The following CDYL2 variants were observed in gnomAD, a reference collection of about 807,000 sequenced individuals.
CDYL2 encodes the protein chromodomain Y-like protein 2.
Under a neutral mutation model 49.4 loss-of-function variants are expected in CDYL2, and 23 were observed. That is an observed-to-expected ratio of 0.47 (90% CI 0.34 to 0.66). The LOEUF (loss-of-function observed/expected upper bound fraction) is 0.66. Ranked by LOEUF, CDYL2 falls within the 30% of genes least tolerant of loss-of-function variation. The probability of loss-of-function intolerance (pLI) is 0.01; values close to 1 mark genes in which losing one functional copy is unlikely to be tolerated. For synonymous variants in CDYL2, 360 were observed against 268.8 expected (o/e 1.34, Z -3.32); for missense variants, 678 against 656.4 (o/e 1.03, Z -0.36).
At chr16:80,776,844 G>T (rs1007558104) in intron 1 of CDYL2, among the ~76,000 whole-genome samples, 1 of 151,082 alleles carries the variant, frequency 6.6e-6, no homozygotes, top group African/African-American at 2.4e-5. Flanking sequence ...TGGAGACAGA[G>T]TCTCCCTCTG....
At chr16:80,687,822 T>A (rs1276440477) in intron 1 of CDYL2, among the ~76,000 whole-genome samples, 1 of 152,190 alleles carries the variant, frequency 6.6e-6, no homozygotes, top group Non-Finnish European at 1.5e-5. Context: ...ATAGCGCCTA[T>A]CTCTTGGGGT....
chr16:80,718,396 C>T (rs8046061), intron 1 of CDYL2, among the ~76,000 whole-genome samples: 59,584 of 151,998 alleles, frequency 0.39, 14,527 homozygotes, highest in Middle Eastern at 0.57. Flanking sequence ...CACATCAACC[C>T]ACTGAAGGGG....
At chr16:80,767,016 A>G (rs374430371) in intron 1 of CDYL2, among the ~76,000 whole-genome samples, 5 of 152,318 alleles carry the variant, frequency 3.3e-5, no homozygotes, top group East Asian at 1.9e-4. Context: ...AAGCTTGCCA[A>G]TGCTGACACT....
chr16:80,779,439 G>C (rs73579946), intron 1 of CDYL2, among the ~76,000 whole-genome samples: 10,700 of 152,036 alleles, frequency 0.07, 456 homozygotes, highest in African/African-American at 0.12. Context: ...GCAAGCACAT[G>C]ATTTCTGGAG....
rs1307974065 is a variant in CDYL2 at position 80,598,316 on chromosome 16, G to A, written c.*6072C>T. 4 of 152,008 alleles carry A rather than the reference G, an allele frequency of 2.6e-5. No individual in the cohort carries two copies. The highest frequency in any genetic ancestry group is 6.6e-5 in the Admixed American group (1 of 15,246). 9.4% of individuals were successfully genotyped at this position (152,008 alleles called of 1,614,324 possible). Reference sequence around the variant, plus strand: ...CCATGATCAAATCCAAACACTCCTAGGGTGGGCTGGATAAGTTTTTGGTAG... The same window carrying A: ...CCATGATCAAATCCAAACACTCCTAAGGTGGGCTGGATAAGTTTTTGGTAG... On this transcript the variant is annotated 3_prime_UTR_variant, in exon 7 of 7. Transcript: ENST00000570137.
intron 2 of CDYL2, among the ~76,000 whole-genome samples, chr16:80,669,747 T>C (rs1459317871): frequency 6.6e-6 from 1 of 152,172 alleles, no homozygotes; most frequent in African/African-American, 2.4e-5. Flanking sequence ...GCATGGTCGC[T>C]GCAAAAGCTC....
intron 1 of CDYL2, among the ~76,000 whole-genome samples, chr16:80,705,162 C>G (rs1448432468): frequency 6.6e-6 from 1 of 152,220 alleles, no homozygotes; most frequent in African/African-American, 2.4e-5. Context: ...CAGAAGGGAG[C>G]ACCAAACATC....
Position 80,740,023 on chromosome 16 carries a change from G to C in CDYL2, c.25-54894C>G. ...CCCCATGTGGCTGTGGAGGGTGGTG[G>C]GTGCCAGAGGAGGGGACGGGTGCAG... On this transcript the variant is annotated intron_variant, in intron 1 of 6. Transcript: ENST00000570137. Among the ~76,000 whole-genome samples, 2 of 152,162 alleles carry C rather than the reference G, an allele frequency of 1.3e-5. 1 individual carries two copies. The highest frequency in any genetic ancestry group is 4.8e-5 in the African/African-American group (2 of 41,440).
chr16:80,684,597 C>T lies in CDYL2; in HGVS notation c.557G>A (p.Gly186Glu). 6.2e-7 allele frequency: 1 copy of T among 1,614,182 alleles called. No homozygotes were observed. The highest frequency in any genetic ancestry group is 1.1e-5 in the South Asian group (1 of 91,084). The change falls in exon 2 of 7, where the codon GGA (glycine) becomes GAA (glutamate). Residue 186 changes from glycine (G) to glutamate (E), a missense_variant. By Grantham distance (98) the Gly-to-Glu change is moderately conservative. Transcript: ENST00000570137. The stretch of plus-strand genomic sequence containing the variant: ...GTCACATTCACCCATATCTTGCTCT[C>T]CAACATGATCATTCAAATCCAAGCC... ...QPGLDLNDHV[G>E]EQDMGECDVN...
intron 2 of CDYL2, among the ~76,000 whole-genome samples, chr16:80,636,953 G>A (rs942025789): frequency 6.6e-6 from 1 of 152,136 alleles, no homozygotes; most frequent in Non-Finnish European, 1.5e-5. Flanking sequence ...GAACACATGA[G>A]CAGAACGCCA....
chr16:80,667,413 C>T (rs1909311841), intron 2 of CDYL2, among the ~76,000 whole-genome samples: 2 of 152,168 alleles, frequency 1.3e-5, no homozygotes, highest in East Asian at 1.9e-4. Flanking sequence ...TCCTGACATC[C>T]CTGCCTTTTT....
chr16:80,709,122 G>A (rs1425284433), intron 1 of CDYL2, among the ~76,000 whole-genome samples: 4 of 152,122 alleles, frequency 2.6e-5, no homozygotes, highest in African/African-American at 7.2e-5. Flanking sequence ...GGTGGCTCAC[G>A]CCTATAATCC....
chr16:80,673,786 T>C (rs968796267), intron 2 of CDYL2, among the ~76,000 whole-genome samples: 2 of 152,288 alleles, frequency 1.3e-5, no homozygotes, highest in Non-Finnish European at 2.9e-5. Flanking sequence ...GTGAATGGGA[T>C]TAAGTTAAGG....
At chr16:80,734,639 T>C (rs1905452331) in intron 1 of CDYL2, among the ~76,000 whole-genome samples, 1 of 152,104 alleles carries the variant, frequency 6.6e-6, no homozygotes, top group Admixed American at 6.5e-5. Context: ...AACTTACTCA[T>C]TCAAGGGGGT....
chr16:80,608,363 T>G (rs554516897), intron 5 of CDYL2, 128 bp from the exon 6 acceptor site: 2 of 1,020,582 alleles, frequency 2.0e-6, no homozygotes, highest in East Asian at 2.8e-5. Context: ...ATCCTTATCT[T>G]ATTTTGGGGT....
intron 1 of CDYL2, among the ~76,000 whole-genome samples, chr16:80,694,896 G>A (rs976390368): frequency 6.6e-6 from 1 of 152,164 alleles, no homozygotes; most frequent in Non-Finnish European, 1.5e-5. Flanking sequence ...ACAATGACGG[G>A]AATATATCAA....
In CDYL2 at chr16:80,612,065, TC is replaced by T. The variant is rs1401542655; in HGVS notation, c.1218+560del. On this transcript the variant is annotated intron_variant, in intron 5 of 6. Coordinates refer to ENST00000570137, the MANE Select transcript of CDYL2 (RefSeq NM_152342.4). This position sits in a 1 kb window ranked among gnomAD's most constrained non-coding sequence, Gnocchi z 5.0. ...TGCTGGACATGCGCTGGGCTGCGTC[TC>T]CCGGCCTCCCTTGCAGGCGCATGTG... Among the ~76,000 whole-genome samples, 1 of 152,238 alleles carries T rather than the reference TC, an allele frequency of 6.6e-6. No homozygotes were observed. Among genetic ancestry groups the T allele is most frequent in the Non-Finnish European group, 1.5e-5 (1 of 68,044 alleles).
intron 1 of CDYL2, among the ~76,000 whole-genome samples, chr16:80,728,908 T>C (rs1340179250): frequency 2.0e-5 from 3 of 146,844 alleles, no homozygotes; most frequent in African/African-American, 7.6e-5. Context: ...TGCTGAGAGA[T>C]TTTGTCACCA....
At position 80,804,295 on chromosome 16, in the gene CDYL2, T is replaced by G. The variant is rs1471706675; in HGVS notation, c.-122A>C. On this transcript the variant is annotated 5_prime_UTR_variant, in exon 1 of 7. Transcript: ENST00000570137. The stretch of plus-strand genomic sequence containing the variant: ...CGCGTGTGTGTGCGAGTGTGTGTGG[T>G]GTGTTGAGTAAACTGTGTTTTTGCA... The G allele has an allele frequency of 1.9e-5, 16 of 853,206 alleles. No individual in the cohort carries two copies. In the African/African-American group the frequency reaches 2.9e-4, roughly 16 times the overall value. The allele number at this position is 853,206 out of a possible 1,614,324, so 52.9% of individuals were successfully genotyped here. A position where few individuals can be genotyped will look rare whatever the true frequency, so the allele number is the denominator to read the frequency against.
Sources: allele counts gnomAD v4.1 joint callset (sites outside exome capture counted in the v4.1 genomes callset), GRCh38; gene constraint gnomAD v4.1.1; non-coding constraint Gnocchi (gnomAD v3.1); transcripts MANE v1.5; gene names NCBI Gene and HGNC (gene_info 2026-07-23, HGNC 2026-07-21).